KIF5C: variants seen among roughly 807,000 people sequenced by gnomAD.
The protein encoded by KIF5C is kinesin heavy chain isoform 5C.
Under a neutral mutation model 125.2 loss-of-function variants are expected in KIF5C, and 18 were observed. The observed-to-expected ratio is 0.14, with a 90% CI of 0.10 to 0.21. The LOEUF is 0.21. KIF5C is among the 10% of genes least tolerant of loss of function. The probability of loss-of-function intolerance (pLI) is 1.00; values close to 1 mark genes in which losing one functional copy is unlikely to be tolerated. For synonymous variants in KIF5C, 405 were observed against 434.0 expected, an observed-to-expected ratio of 0.93 and a Z score of 0.83; for missense variants, 780 against 1,183.8, an observed-to-expected ratio of 0.66 and a Z score of 5.01.
intron 11 of KIF5C, among the ~76,000 whole-genome samples, chr2:148,967,039 T>A (rs1406473538): frequency 2.6e-5 from 4 of 152,166 alleles, no homozygotes; most frequent in Non-Finnish European, 5.9e-5. Context: ...GCCTAGCAGT[T>A]TTCTCCTCTG....
At chr2:149,014,652 A>G (rs1682307497) in intron 25 of KIF5C, among the ~76,000 whole-genome samples, 1 of 152,254 alleles carries the variant, frequency 6.6e-6, no homozygotes, top group Non-Finnish European at 1.5e-5. Context: ...CAGAAGGCTT[A>G]AATGAGGTCA....
intron 12 of KIF5C, among the ~76,000 whole-genome samples, chr2:148,974,755 C>T (rs1392080917): frequency 6.6e-6 from 1 of 152,158 alleles, no homozygotes; most frequent in Non-Finnish European, 1.5e-5. Flanking sequence ...AGACCATATG[C>T]ATTTTTTTTC....
At chr2:148,934,299 C>T (rs950620442) in intron 3 of KIF5C, among the ~76,000 whole-genome samples, 1 of 151,358 alleles carries the variant, frequency 6.6e-6, no homozygotes, top group Non-Finnish European at 1.5e-5. Flanking sequence ...CACATGACCC[C>T]TACATAACAT....
At chr2:148,987,047 A>T (rs1195059622) in intron 15 of KIF5C, among the ~76,000 whole-genome samples, 1 of 152,226 alleles carries the variant, frequency 6.6e-6, no homozygotes, top group African/African-American at 2.4e-5. Context: ...AATGGGTTGC[A>T]GCCTGCAGGG....
At chr2:149,005,697 C>T (rs1320252565) in intron 22 of KIF5C, among the ~76,000 whole-genome samples, 1 of 152,222 alleles carries the variant, frequency 6.6e-6, no homozygotes, top group African/African-American at 2.4e-5. Context: ...CTTTCTCTGG[C>T]CTTCATTTCA....
At chr2:148,968,098 C>A (rs1281146563) in intron 11 of KIF5C, among the ~76,000 whole-genome samples, 1 of 152,140 alleles carries the variant, frequency 6.6e-6, no homozygotes, top group Non-Finnish European at 1.5e-5. Flanking sequence ...AAAAGGAGGA[C>A]CTGAAAATCC....
At chr2:148,943,247 C>T (rs758850833) in intron 7 of KIF5C, among the ~76,000 whole-genome samples, 7 of 152,126 alleles carry the variant, frequency 4.6e-5, no homozygotes, top group Non-Finnish European at 1.0e-4. Context: ...AAAGCAGAGC[C>T]AGGAGCTTTA....
At chr2:148,949,408 A>G (rs1408195561) in intron 8 of KIF5C, among the ~76,000 whole-genome samples, 1 of 152,130 alleles carries the variant, frequency 6.6e-6, no homozygotes, top group Non-Finnish European at 1.5e-5. Context: ...GGAGCCCGTA[A>G]CTTACATTTT....
chr2:148,917,918 C>G (rs1040017604), intron 1 of KIF5C, among the ~76,000 whole-genome samples: 1 of 152,202 alleles, frequency 6.6e-6, no homozygotes, highest in Non-Finnish European at 1.5e-5. Flanking sequence ...ATTAATTTCA[C>G]TTTCCTTAAC....
At chr2:148,890,505 C>CA (rs972461524) in intron 1 of KIF5C, among the ~76,000 whole-genome samples, 8 of 151,032 alleles carry the variant, frequency 5.3e-5, no homozygotes, top group East Asian at 1.9e-4. Flanking sequence ...TGACTCTAAA[C>CA]AAAAAAAAGA....
chr2:148,880,646 T>G (rs559113492), intron 1 of KIF5C, among the ~76,000 whole-genome samples: 1 of 152,326 alleles, frequency 6.6e-6, no homozygotes, highest in South Asian at 2.1e-4. Flanking sequence ...TAAACCAAAG[T>G]AAGTTTATTT....
intron 8 of KIF5C, 165 bp downstream of exon 8, chr2:148,947,188 CT>C (rs1399046254): frequency 7.0e-6 from 8 of 1,137,956 alleles, no homozygotes; most frequent in Non-Finnish European, 9.6e-6. Flanking sequence ...TCCCTGCTTT[CT>C]TTTCTGGTCC....
At position 148,949,898 on chromosome 2, in the gene KIF5C, T is replaced by C. The variant is rs1682618082; in HGVS notation, c.774T>C (p.Ser258=). Residue 258 remains serine (S), a synonymous_variant, in exon 9 of 26, where the codon TCT becomes TCC. Transcript: ENST00000435030. ...ACGAAGCTAAAAATATCAATAAGTC[T>C]TTGTCTGCTCTTGGAAATGTGATCT... is the stretch of plus-strand genomic sequence containing the variant. ...VLDEAKNINK[S]LSALGNVISA... is the part of the protein sequence containing the mutation. 1 of 1,613,856 alleles carries C rather than the reference T, an allele frequency of 6.2e-7. No homozygotes were observed. Among genetic ancestry groups the C allele is most frequent in the Non-Finnish European group, 8.5e-7 (1 of 1,179,844 alleles).
Position 149,008,165 on chromosome 2 carries a change from T to C in KIF5C, c.2550+98T>C, listed in dbSNP as rs182795081. 5.0e-6 allele frequency: 7 copies of C among 1,396,228 alleles called. No individual in the cohort carries two copies. The African/African-American group carries it at 5.7e-5, about 11-fold the overall frequency. 86.5% of individuals were successfully genotyped at this position (1,396,228 alleles called of 1,614,324 possible). A position where few individuals can be genotyped will look rare whatever the true frequency, so the allele number is the denominator to read the frequency against. ...CAGTGTGCGGAGAAGGCACTGAGAT[T>C]GAAGGTAAAAGAACTGTACACTATC... On this transcript the variant is annotated intron_variant, in intron 23 of 25. Transcript: ENST00000435030.
intron 12 of KIF5C, among the ~76,000 whole-genome samples, chr2:148,977,484 G>A (rs879822018): frequency 6.6e-6 from 1 of 152,158 alleles, no homozygotes; most frequent in Non-Finnish European, 1.5e-5. Context: ...ACACAAAATC[G>A]TTACTGGTAA....
intron 1 of KIF5C, chr2:148,877,363 G>A (rs906040358): frequency 6.6e-6 from 1 of 152,244 alleles, no homozygotes; most frequent in African/African-American, 2.4e-5. Flanking sequence ...AGGAAAGCGG[G>A]GTTTTCTCTC....
rs1409579555 is a variant in KIF5C, at chr2:148,876,225, G to A, written c.126+482G>A. On this transcript the variant is annotated intron_variant, in intron 1 of 25. Transcript: ENST00000435030. This position sits in a 1 kb window ranked among gnomAD's most constrained non-coding sequence, Gnocchi z 4.7. ...CAAAAAAGAAAGAAAAAGGGGTACA[G>A]GAAAATTTCTAGTCGCGTCTCGGAG... Among the ~76,000 whole-genome samples the A allele has an allele frequency of 6.6e-6, 1 of 152,230 alleles. No homozygotes were observed.
At chr2:148,965,411 G>A (rs1683026381) in intron 11 of KIF5C, among the ~76,000 whole-genome samples, 2 of 152,130 alleles carry the variant, frequency 1.3e-5, no homozygotes, top group South Asian at 2.1e-4. Context: ...GAGGGATTCC[G>A]CAGAACTCTC....
intron 23 of KIF5C, among the ~76,000 whole-genome samples, chr2:149,009,190 C>T (rs948013347): frequency 2.0e-5 from 3 of 151,858 alleles, no homozygotes; most frequent in Non-Finnish European, 4.4e-5. Flanking sequence ...CAAGGTTTCA[C>T]CATGTTGGTC....
Sources: allele counts gnomAD v4.1 joint callset (sites outside exome capture counted in the v4.1 genomes callset), GRCh38; gene constraint gnomAD v4.1.1; non-coding constraint Gnocchi (gnomAD v3.1); transcripts MANE v1.5; gene names NCBI Gene and HGNC (gene_info 2026-07-23, HGNC 2026-07-21).